TEX9: variants seen among roughly 807,000 people sequenced by gnomAD.
TEX9 encodes testis expressed 9, also known as testis-expressed protein 9.
Under a neutral mutation model 59.6 loss-of-function variants are expected in TEX9, and 74 were observed. The observed-to-expected ratio is 1.24, with a 90% CI of 1.03 to 1.51. The LOEUF (loss-of-function observed/expected upper bound fraction) is 1.51. Among genes scored for constraint, TEX9 ranks in the 40% most tolerant of loss-of-function variants. TEX9 has a pLI of 0.00. For missense variants in TEX9, 522 were observed against 447.8 expected, an observed-to-expected ratio of 1.17 and a Z score of -1.49; for synonymous variants, 186 against 152.2, an observed-to-expected ratio of 1.22 and a Z score of -1.64.
At chr15:56,344,544 G>A (rs12439039) in intron 1 of TEX9, among the ~76,000 whole-genome samples, 6,471 of 152,106 alleles carry the variant, frequency 0.043, 212 homozygotes, top group Admixed American at 0.084. Context: ...TAATGGGCAC[G>A]GGGTTTCTTT....
rs560951704 is a variant in TEX9 at position 56,368,737 on chromosome 15, C to G, written c.119+3067C>G. On this transcript the variant is annotated intron_variant, in intron 2 of 12. Transcript: ENST00000352903. The stretch of plus-strand genomic sequence containing the variant: ...GGTATGTTTGAAATCTTGACTGTAT[C>G]CATAACCATGTACACCCCTCCTTTT... Among the ~76,000 whole-genome samples, 7 of 152,206 alleles carry G rather than the reference C, an allele frequency of 4.6e-5. No individual in the cohort carries two copies. In the South Asian group the frequency reaches 1.2e-3, roughly 27 times the overall value.
At chr15:56,357,891 A>G (rs749876974) in intron 1 of TEX9, among the ~76,000 whole-genome samples, 4 of 151,982 alleles carry the variant, frequency 2.6e-5, no homozygotes. Context: ...AATTTATTGG[A>G]AGTCTAAATA....
intron 1 of TEX9, among the ~76,000 whole-genome samples, chr15:56,298,224 C>T (rs980548065): frequency 6.6e-6 from 1 of 152,186 alleles, no homozygotes; most frequent in Non-Finnish European, 1.5e-5. Context: ...CTTCTATCAA[C>T]AAAAGTTTCT....
chr15:56,438,868 C>T (rs2050772878), intron 12 of TEX9, among the ~76,000 whole-genome samples: 3 of 152,104 alleles, frequency 2.0e-5, no homozygotes, highest in African/African-American at 7.2e-5. Flanking sequence ...GACATTTATG[C>T]AGCCAACAGA....
intron 12 of TEX9, among the ~76,000 whole-genome samples, chr15:56,432,109 C>T (rs1378916053): frequency 1.3e-5 from 2 of 152,166 alleles, no homozygotes; most frequent in Middle Eastern, 3.4e-3. Flanking sequence ...TCATCCATTC[C>T]TTATAAAGAG....
At chr15:56,453,027 C>G in the TEX9 span, among the ~76,000 whole-genome samples, 409 of 152,216 alleles carry the variant, frequency 2.7e-3, 3 homozygotes, top group African/African-American at 9.4e-3. Flanking sequence ...ATTTTATTCT[C>G]TATTAGTCAG....
intron 1 of TEX9, among the ~76,000 whole-genome samples, chr15:56,261,072 G>A (rs541611156): frequency 1.4e-3 from 219 of 151,628 alleles, no homozygotes; most frequent in African/African-American, 5.2e-3. Context: ...GGATCTGTAG[G>A]GATATTGCCC....
chr15:56,354,908 T>G (rs2046656282), intron 1 of TEX9, among the ~76,000 whole-genome samples: 2 of 152,212 alleles, frequency 1.3e-5, no homozygotes, highest in Admixed American at 1.3e-4. Context: ...TAAGTCAAAC[T>G]GAATTCAAGG....
chr15:56,386,573 A>G (rs562686143), intron 4 of TEX9, among the ~76,000 whole-genome samples: 76 of 152,106 alleles, frequency 5.0e-4, no homozygotes, highest in Non-Finnish European at 6.0e-4. Context: ...AAGTACATCA[A>G]TTACACATTT....
chr15:56,276,174 TA>T (rs1262715263), intron 1 of TEX9, among the ~76,000 whole-genome samples: 1 of 152,202 alleles, frequency 6.6e-6, no homozygotes, highest in Non-Finnish European at 1.5e-5. Flanking sequence ...TTTTTTATTT[TA>T]TTTTACTTTA....
At chr15:56,244,222 C>G (rs569398416) in exon 1 of TEX9, 9 of 152,320 alleles carry the variant, frequency 5.9e-5, no homozygotes, top group African/African-American at 1.9e-4. Flanking sequence ...CCCCCTTCCC[C>G]TGCACATGCA....
chr15:56,435,535 T>C (rs977341403), intron 12 of TEX9, among the ~76,000 whole-genome samples: 3 of 152,028 alleles, frequency 2.0e-5, no homozygotes, highest in Admixed American at 6.6e-5. Flanking sequence ...ACAGGAATAC[T>C]ACAAATTATT....
At chr15:56,395,932 T>A (rs1221171393) in intron 9 of TEX9, 1 of 152,194 alleles carries the variant, frequency 6.6e-6, no homozygotes, top group Non-Finnish European at 1.5e-5. Flanking sequence ...TCTTTCACTT[T>A]CTTTATGGTA....
At chr15:56,271,833 A>G (rs2044540147) in intron 1 of TEX9, among the ~76,000 whole-genome samples, 1 of 152,216 alleles carries the variant, frequency 6.6e-6, no homozygotes, top group East Asian at 1.9e-4. Flanking sequence ...GTCAACATTT[A>G]AAACATTTTA....
At chr15:56,378,227 C>T (rs1381762918) in intron 3 of TEX9, among the ~76,000 whole-genome samples, 1 of 152,012 alleles carries the variant, frequency 6.6e-6, no homozygotes, top group Non-Finnish European at 1.5e-5. Flanking sequence ...GTAATACTAG[C>T]CTCATAAAAT....
chr15:56,320,414 C>G (rs2045876010), intron 1 of TEX9, among the ~76,000 whole-genome samples: 2 of 152,130 alleles, frequency 1.3e-5, no homozygotes, highest in Admixed American at 1.3e-4. Context: ...GGGCTCTCTT[C>G]CTGGCTTGCA....
chr15:56,329,312 G>C lies in TEX9; in HGVS notation c.-106-44129G>C, dbSNP rs537136900. Among the ~76,000 whole-genome samples, 9 of 152,248 alleles carry C rather than the reference G, an allele frequency of 5.9e-5. 1 individual carries two copies. The South Asian group carries it at 1.9e-3, about 32-fold the overall frequency. ...CTGGAAAGCCTTCCTAAGAAGTATG[G>C]ATAAAGAAGCCCAGACTGTAAATAA... On this transcript the variant is annotated intron_variant, in intron 1 of 5. Coordinates refer to the TEX9 transcript ENST00000560827.
At chr15:56,318,665 C>G (rs2045833257) in intron 1 of TEX9, among the ~76,000 whole-genome samples, 1 of 151,742 alleles carries the variant, frequency 6.6e-6, no homozygotes, top group Admixed American at 6.6e-5. Flanking sequence ...TTTTAATTCT[C>G]TTGTTGTTTC....
intron 1 of TEX9, among the ~76,000 whole-genome samples, chr15:56,300,683 A>T (rs2045324231): frequency 8.7e-6 from 1 of 114,914 alleles, no homozygotes; most frequent in Admixed American, 9.7e-5. Flanking sequence ...CAAGCAACTC[A>T]GCAGAGAGAG....
Sources: allele counts gnomAD v4.1 joint callset (sites outside exome capture counted in the v4.1 genomes callset), GRCh38; gene constraint gnomAD v4.1.1; transcripts MANE v1.5; gene names NCBI Gene and HGNC (gene_info 2026-07-23, HGNC 2026-07-21).